CELF4: variants seen among roughly 807,000 people sequenced by gnomAD.
The protein encoded by CELF4 is CUG-BP- and ETR-3-like factor 4.
A neutral mutation model predicts 59.9 loss-of-function variants in CELF4; 18 were observed. That is an observed-to-expected ratio of 0.30 (90% CI 0.21 to 0.45). CELF4 has a LOEUF of 0.45. Among genes scored for constraint, CELF4 ranks in the 20% least tolerant of loss-of-function variants. The probability of loss-of-function intolerance (pLI) is 1.00; values close to 1 mark genes in which losing one functional copy is unlikely to be tolerated. For synonymous variants in CELF4, 261 were observed against 267.1 expected, an observed-to-expected ratio of 0.98 and a Z score of 0.22; for missense variants, 456 against 689.0, an observed-to-expected ratio of 0.66 and a Z score of 3.79.
chr18:37,272,971 G>C (rs544979198), intron 7 of CELF4, 45 bp downstream of exon 7: 4 of 1,566,138 alleles, frequency 2.6e-6, no homozygotes, highest in African/African-American at 1.3e-5. Flanking sequence ...GGGGCCAGCT[G>C]TTCTCCCACC....
chr18:37,266,731 C>T (rs2303375), intron 8 of CELF4, 133 bp from the exon 9 acceptor site: 29,955 of 784,536 alleles, frequency 0.038, 2,328 homozygotes, highest in East Asian at 0.28. Context: ...GCAGGGCATC[C>T]GAGACAGAAA....
At chr18:37,321,746 A>T in intron 3 of CELF4, 57 bp downstream of exon 3, 1 of 1,268,752 alleles carries the variant, frequency 7.9e-7, no homozygotes, top group Non-Finnish European at 1.1e-6. Context: ...CTGCGTCGGG[A>T]AAAGGAGGGA....
At chr18:37,351,519 G>C (rs916710247) in intron 2 of CELF4, among the ~76,000 whole-genome samples, 3 of 152,058 alleles carry the variant, frequency 2.0e-5, no homozygotes, top group African/African-American at 7.2e-5. Context: ...ATATGAAAGG[G>C]CTGGTTTTAC....
At chr18:37,319,829 G>T (rs2097027995) in intron 3 of CELF4, among the ~76,000 whole-genome samples, 1 of 152,240 alleles carries the variant, frequency 6.6e-6, no homozygotes, top group Non-Finnish European at 1.5e-5. Flanking sequence ...GCCAGGGGAG[G>T]GTGGTGAACA....
chr18:37,258,981 G>A (rs749863299), intron 11 of CELF4, 200 bp downstream of exon 11: 3 of 693,500 alleles, frequency 4.3e-6, no homozygotes, highest in Non-Finnish European at 7.3e-6. Context: ...AGAAGGGTGA[G>A]ATGAGGCTGG....
chr18:37,401,948 G>A (rs981921088), intron 2 of CELF4, among the ~76,000 whole-genome samples: 1 of 152,240 alleles, frequency 6.6e-6, no homozygotes, highest in Admixed American at 6.5e-5. Flanking sequence ...CTATTCAGGT[G>A]CATCACTCTC....
chr18:37,256,844 C>T (rs1257734145), intron 11 of CELF4, among the ~76,000 whole-genome samples: 1 of 152,188 alleles, frequency 6.6e-6, no homozygotes, highest in Non-Finnish European at 1.5e-5. Context: ...CTCAGCCTCC[C>T]AAAGTGCTGG....
chr18:37,320,074 A>G (rs2097044882), intron 3 of CELF4, among the ~76,000 whole-genome samples: 1 of 151,690 alleles, frequency 6.6e-6, no homozygotes, highest in Non-Finnish European at 1.5e-5. Context: ...GCGGTGGCTC[A>G]CGCCTGTAAT....
chr18:37,394,806 G>A (rs2099220543), intron 2 of CELF4, among the ~76,000 whole-genome samples: 1 of 152,246 alleles, frequency 6.6e-6, no homozygotes, highest in Admixed American at 6.5e-5. Context: ...GACCAGGGCA[G>A]CTCCTGACCT....
chr18:37,478,756 C>T (rs1400067161), intron 2 of CELF4, among the ~76,000 whole-genome samples: 1 of 152,206 alleles, frequency 6.6e-6, no homozygotes, highest in Non-Finnish European at 1.5e-5. Flanking sequence ...AGCCCCTATA[C>T]CCATCTGTCC....
chr18:37,324,230 G>T (rs184003921), intron 2 of CELF4, among the ~76,000 whole-genome samples: 45 of 152,260 alleles, frequency 3.0e-4, no homozygotes, highest in Non-Finnish European at 4.3e-4. Flanking sequence ...ACTGAAGTGT[G>T]TCCCGCCAAA....
intron 2 of CELF4, among the ~76,000 whole-genome samples, chr18:37,399,059 A>G (rs1425126433): frequency 6.6e-6 from 1 of 152,166 alleles, no homozygotes. Flanking sequence ...GCACTGTGCC[A>G]AATGATAGGG....
chr18:37,494,880 G>C (rs1463338218), intron 1 of CELF4, among the ~76,000 whole-genome samples: 2 of 152,122 alleles, frequency 1.3e-5, no homozygotes, highest in Non-Finnish European at 2.9e-5. Flanking sequence ...CCTTCTCTTG[G>C]GATAAGGGGC....
chr18:37,359,827 A>C (rs2098672618), intron 2 of CELF4, among the ~76,000 whole-genome samples: 1 of 151,466 alleles, frequency 6.6e-6, no homozygotes, highest in South Asian at 2.1e-4. Flanking sequence ...GATTACAGGC[A>C]TGAGTCACCA....
intron 10 of CELF4, among the ~76,000 whole-genome samples, chr18:37,262,105 C>T (rs1415055861): frequency 1.3e-5 from 2 of 152,234 alleles, no homozygotes. Flanking sequence ...CTGCCTGGAC[C>T]TCCTGCCTCC....
intron 2 of CELF4, among the ~76,000 whole-genome samples, chr18:37,388,704 A>T (rs760753974): frequency 6.6e-6 from 1 of 152,158 alleles, no homozygotes; most frequent in Non-Finnish European, 1.5e-5. Context: ...GAAGCCAAAA[A>T]GTCCAACTTA....
chr18:37,550,203 T>C (rs979011287), intron 1 of CELF4, among the ~76,000 whole-genome samples: 5 of 152,140 alleles, frequency 3.3e-5, no homozygotes, highest in African/African-American at 1.2e-4. Flanking sequence ...TGATTGTTCC[T>C]ACTATTTATG....
At chr18:37,285,455 T>C (rs1389360387) in intron 3 of CELF4, among the ~76,000 whole-genome samples, 1 of 151,918 alleles carries the variant, frequency 6.6e-6, no homozygotes, top group African/African-American at 2.4e-5. Flanking sequence ...GAGAAAGGGG[T>C]TTGTAGGGGT....
At chr18:37,443,800 T>C (rs2099740179) in intron 2 of CELF4, among the ~76,000 whole-genome samples, 1 of 152,214 alleles carries the variant, frequency 6.6e-6, no homozygotes, top group East Asian at 1.9e-4. Flanking sequence ...CAATCCCTTT[T>C]GCGCATAATT....
Sources: gnomAD v4.1 joint callset for allele counts (sites outside exome capture counted in the v4.1 genomes callset) on GRCh38, gnomAD v4.1.1 for gene constraint, MANE v1.5 for transcripts, NCBI Gene and HGNC (gene_info 2026-07-23, HGNC 2026-07-21) for gene names.